Variants in RHOT1 observed in about 807,000 individuals in gnomAD.
RHOT1 encodes the protein mitochondrial Rho GTPase 1.
In RHOT1, 27 loss-of-function variants were observed where a neutral mutation model predicts 95.3. That is an observed-to-expected ratio of 0.28 (90% CI 0.21 to 0.39). The LOEUF (loss-of-function observed/expected upper bound fraction) is 0.39, where lower values mean the gene tolerates loss of function less well. RHOT1 is among the 10% of genes least tolerant of loss of function. The pLI, the probability that RHOT1 is intolerant of heterozygous loss-of-function variation, is 1.00. For synonymous variants in RHOT1, 227 were observed against 263.5 expected, an observed-to-expected ratio of 0.86 and a Z score of 1.34; for missense variants, 578 against 786.7, an observed-to-expected ratio of 0.73 and a Z score of 3.17.
intron 1 of RHOT1, among the ~76,000 whole-genome samples, chr17:32,155,163 T>C (rs1428665838): frequency 2.0e-5 from 3 of 152,132 alleles, no homozygotes; most frequent in African/African-American, 4.8e-5. Context: ...AAATGCATTC[T>C]CTTTTTTTTT....
At chr17:32,193,094 A>T in intron 9 of RHOT1, 42 bp from the exon 10 acceptor site, 1 of 1,219,906 alleles carries the variant, frequency 8.2e-7, no homozygotes, top group Admixed American at 1.9e-5. Context: ...TGTGGTTTTA[A>T]CGCTGGTTTG....
rs907021650 is a variant in RHOT1, at chr17:32,174,445, G to T, written c.178+533G>T. Among the ~76,000 whole-genome samples the T allele has an allele frequency of 2.0e-5, 3 of 152,168 alleles. No homozygotes were observed. In the East Asian group the frequency reaches 5.8e-4, roughly 29 times the overall value. On this transcript the variant is annotated intron_variant, in intron 3 of 19. Coordinates refer to ENST00000545287, the MANE Select transcript of RHOT1 (RefSeq NM_001033566.3). ...GTACTGAAAGCTGAGGGAGGTGAAT[G>T]ACTTCTGCTACAATCAGTCTCATAA...
chr17:32,214,894 C>CTT lies in RHOT1; in HGVS notation c.1862+3685_1862+3686dup, dbSNP rs551151153. On this transcript the variant is annotated intron_variant, in intron 19 of 19. Coordinates refer to ENST00000545287, the MANE Select transcript of RHOT1 (RefSeq NM_001033566.3). ...GAAAGAGCAGTTCTAAAAGGCTTGTCTTTTTTTTTTTTTTTTTTTTTTTTT... is the reference window on the plus strand; with the variant it reads ...GAAAGAGCAGTTCTAAAAGGCTTGTCTTTTTTTTTTTTTTTTTTTTTTTTTTT... 3.8e-3 allele frequency among the ~76,000 whole-genome samples: 199 copies of CTT among 52,836 alleles called. 40 individuals are homozygous for CTT. The highest frequency in any genetic ancestry group is 4.9e-3 in the Non-Finnish European group (139 of 28,384). 34.7% of individuals were successfully genotyped at this position (52,836 alleles called of 152,430 possible). A position where few individuals can be genotyped will look rare whatever the true frequency, so the allele number is the denominator to read the frequency against.
At position 32,169,785 on chromosome 17, in the gene RHOT1, T is replaced by A. The variant is rs557422499; in HGVS notation, c.38-1258T>A. Among the ~76,000 whole-genome samples, 8 of 151,592 alleles carry A rather than the reference T, an allele frequency of 5.3e-5. No homozygotes were observed. The South Asian group carries it at 1.7e-3, about 32-fold the overall frequency. On this transcript the variant is annotated intron_variant, in intron 1 of 19. Transcript: ENST00000545287. The stretch of plus-strand genomic sequence containing the variant: ...CTTTGCGAAGCTGAGGCAGGTGGAT[T>A]GCTTGAGTCAAGGAGTTTGAGACCA...
intron 11 of RHOT1, among the ~76,000 whole-genome samples, chr17:32,196,046 T>C (rs2036860349): frequency 1.3e-5 from 2 of 152,170 alleles, no homozygotes; most frequent in African/African-American, 4.8e-5. Flanking sequence ...TCCCTGGAGC[T>C]ACTACACGAA....
chr17:32,211,986 C>T (rs1012122109), intron 19 of RHOT1, among the ~76,000 whole-genome samples: 7 of 152,150 alleles, frequency 4.6e-5, no homozygotes, highest in African/African-American at 1.4e-4. Flanking sequence ...GATCATGCTA[C>T]CTTTGTTCAA....
At chr17:32,176,062 T>C (rs909819996) in intron 5 of RHOT1, 47 bp downstream of exon 5, 4 of 1,580,178 alleles carry the variant, frequency 2.5e-6, no homozygotes, top group Non-Finnish European at 3.5e-6. Flanking sequence ...GTGGAGTGCT[T>C]CCAAAGTTGA....
chr17:32,151,115 C>T lies in RHOT1; in HGVS notation c.37+8386C>T. On this transcript the variant is annotated intron_variant, in intron 1 of 19. Transcript: ENST00000545287. The stretch of plus-strand genomic sequence containing the variant: ...GCCAGGTTATCATCTCACATCCTCT[C>T]CAATTTACCATGACACTGGGTTCTT... 1.6e-5 allele frequency: 14 copies of T among 880,840 alleles called. No individual in the cohort carries two copies. The South Asian group carries it at 1.7e-4, about 11-fold the overall frequency. 54.6% of individuals were successfully genotyped at this position (880,840 alleles called of 1,614,324 possible). A position where few individuals can be genotyped will look rare whatever the true frequency, so the allele number is the denominator to read the frequency against.
intron 19 of RHOT1, among the ~76,000 whole-genome samples, chr17:32,222,523 G>T (rs1030652549): frequency 6.6e-6 from 1 of 152,050 alleles, no homozygotes; most frequent in Non-Finnish European, 1.5e-5. Flanking sequence ...AGGTTTCCTT[G>T]TCTGGAGTGG....
chr17:32,168,708 G>A (rs999833445), intron 1 of RHOT1, among the ~76,000 whole-genome samples: 2 of 150,880 alleles, frequency 1.3e-5, no homozygotes, highest in East Asian at 1.9e-4. Context: ...ATTCCCTTTC[G>A]GTGTTGTTAA....
intron 16 of RHOT1, among the ~76,000 whole-genome samples, chr17:32,206,287 C>T (rs112148221): frequency 0.011 from 1,606 of 141,720 alleles, 30 homozygotes; most frequent in African/African-American, 0.039. Flanking sequence ...CTCACTGTAA[C>T]CTCTGCTTTC....
At chr17:32,160,640 G>C (rs774968459) in intron 1 of RHOT1, among the ~76,000 whole-genome samples, 2 of 152,318 alleles carry the variant, frequency 1.3e-5, no homozygotes, top group East Asian at 1.9e-4. Flanking sequence ...GTGTTCTCCA[G>C]TGCCAGCTGT....
intron 11 of RHOT1, among the ~76,000 whole-genome samples, chr17:32,196,974 T>C (rs2036935326): frequency 6.6e-6 from 1 of 151,556 alleles, no homozygotes; most frequent in Non-Finnish European, 1.5e-5. Flanking sequence ...ATACAAAAAA[T>C]TAGCCGAGTG....
At chr17:32,154,501 G>A (rs997129349) in intron 1 of RHOT1, among the ~76,000 whole-genome samples, 1 of 149,118 alleles carries the variant, frequency 6.7e-6, no homozygotes, top group Non-Finnish European at 1.5e-5. Flanking sequence ...GCAGGAGAAT[G>A]GTGTGACCCT....
At chr17:32,155,491 CTTTCT>C (rs1272351228) in intron 1 of RHOT1, among the ~76,000 whole-genome samples, 126 of 147,956 alleles carry the variant, frequency 8.5e-4, no homozygotes, top group African/African-American at 3.1e-3. Flanking sequence ...TTCTTTCTTT[CTTTCT>C]TTTTTTTTTT....
chr17:32,223,478 C>T (rs1349147769), intron 19 of RHOT1, among the ~76,000 whole-genome samples: 2 of 150,968 alleles, frequency 1.3e-5, no homozygotes, highest in Non-Finnish European at 3.0e-5. Context: ...GCAGTGGCAC[C>T]GTGTCGGCTC....
At chr17:32,152,963 G>T (rs2032505935) in intron 1 of RHOT1, among the ~76,000 whole-genome samples, 1 of 152,014 alleles carries the variant, frequency 6.6e-6, no homozygotes, top group Admixed American at 6.6e-5. Flanking sequence ...CGCCATGCCT[G>T]GCTAATTTTT....
intron 1 of RHOT1, among the ~76,000 whole-genome samples, chr17:32,149,506 A>AAG: frequency 1.4e-5 from 2 of 148,036 alleles, no homozygotes; most frequent in Non-Finnish European, 3.0e-5. Context: ...CATTATCTTT[A>AAG]GCATAGTCTG....
chr17:32,185,144 CT>C (rs2035937444), intron 8 of RHOT1, among the ~76,000 whole-genome samples: 1 of 151,706 alleles, frequency 6.6e-6, no homozygotes, highest in African/African-American at 2.4e-5. Flanking sequence ...GAGTTTCGCT[CT>C]TGTTGCCCAG....
Sources: allele counts gnomAD v4.1 joint callset (sites outside exome capture counted in the v4.1 genomes callset), GRCh38; gene constraint gnomAD v4.1.1; transcripts MANE v1.5; gene names NCBI Gene and HGNC (gene_info 2026-07-23, HGNC 2026-07-21).